The following SYT8 variants were observed in gnomAD, a reference collection of about 807,000 sequenced individuals.
The protein encoded by SYT8 is synaptotagmin-8.
In SYT8, 50 loss-of-function variants were observed where a neutral mutation model predicts 34.9. The ratio of observed to expected loss-of-function variants is 1.43; its 90% CI spans 1.14 to 1.81. SYT8 has a LOEUF of 1.81. Ranked by LOEUF, SYT8 falls within the 40% of genes most tolerant of loss-of-function variation. The probability of loss-of-function intolerance (pLI) is 0.00; values close to 1 mark genes in which losing one functional copy is unlikely to be tolerated. For missense variants in SYT8, 595 were observed against 529.0 expected, an observed-to-expected ratio of 1.12 and a Z score of -1.22; for synonymous variants, 255 against 234.2, an observed-to-expected ratio of 1.09 and a Z score of -0.81.
Position 1,836,562 on chromosome 11 carries a change from G to A in SYT8, c.654G>A (p.Trp218Ter), listed in dbSNP as rs766401122. 1.2e-6 allele frequency: 2 copies of A among 1,612,274 alleles called. No homozygotes were observed. Among genetic ancestry groups the A allele is most frequent in the South Asian group, 2.2e-5 (2 of 91,052 alleles). Residue 218 changes from tryptophan to a stop codon, truncating the protein, a stop_gained, in exon 5 of 8, where the codon TGG (tryptophan) becomes TGA (stop). Coordinates refer to ENST00000341958, the MANE Select transcript of SYT8 (RefSeq NM_001394072.1). LOFTEE classifies it high-confidence loss of function. Reference protein sequence around the residue: ...TVDLQHVLEHWYLLGPPAATQ... With the variant: ...TVDLQHVLEH ...ATCTGCAGCATGTTCTGGAGCACTG[G>A]TACCTGCTGGGCCCGCCGGCTGCCA...
rs1247269542 is a variant in SYT8, at chr11:1,836,950, C to T, written c.791-7C>T. On this transcript the variant is annotated splice_region_variant and splice_polypyrimidine_tract_variant and intron_variant, in intron 6 of 7. Coordinates refer to ENST00000341958, the MANE Select transcript of SYT8 (RefSeq NM_001394072.1). ...GGGATGCCCCTTCGGCAACCTTGCC[C>T]TCCCAGAGCCCTACGTGAAGGTCCA... 1.9e-6 allele frequency: 3 copies of T among 1,613,354 alleles called. No homozygotes were observed. Among genetic ancestry groups the T allele is most frequent in the African/African-American group, 2.7e-5 (2 of 74,954 alleles).
At chr11:1,834,372 T>C (rs2133011180), upstream of SYT8, 3 of 617,296 alleles carry the variant, frequency 4.9e-6, no homozygotes, top group Non-Finnish European at 8.7e-6. This position sits in a 1 kb window ranked among gnomAD's most constrained non-coding sequence, Gnocchi z 4.5. Flanking sequence ...TGGAATGTTC[T>C]GGCCGCTCCC....
At position 1,835,207 on chromosome 11, in the gene SYT8, G is replaced by T; in HGVS notation, c.94+8G>T. 6.2e-7 allele frequency: 1 copy of T among 1,612,934 alleles called. No homozygotes were observed. Among genetic ancestry groups the T allele is most frequent in the Non-Finnish European group, 8.5e-7 (1 of 1,179,736 alleles). On this transcript the variant is annotated splice_region_variant and intron_variant, in intron 1 of 7. Transcript: ENST00000341958. ...TTGTCGCCGGGACCCCCTGTGAGTT[G>T]TGGGATTCCCAAGAGGGGTGTGGGG...
At position 1,836,126 on chromosome 11, in the gene SYT8, A is replaced by T. The variant is rs187964566; in HGVS notation, c.358A>T (p.Ile120Phe). The T allele has an allele frequency of 6.6e-7, 1 of 1,506,184 alleles. No homozygotes were observed. The highest frequency in any genetic ancestry group is 8.9e-7 in the Non-Finnish European group (1 of 1,127,654). The allele number at this position is 1,506,184 out of a possible 1,614,324, so 93.3% of individuals were successfully genotyped here. A position where few individuals can be genotyped will look rare whatever the true frequency, so the allele number is the denominator to read the frequency against. ...SLEFDFGSQE[I>F]RVGLRQAADL... is the part of the protein sequence containing the mutation. Reference sequence around the variant, plus strand: ...CTGAGCCCACCCCGCTGGCTCCCAGATCAGGGTGGGCCTGAGGCAGGCAGC... The same window carrying T: ...CTGAGCCCACCCCGCTGGCTCCCAGTTCAGGGTGGGCCTGAGGCAGGCAGC... Residue 120 changes from isoleucine (I) to phenylalanine (F), a missense_variant and splice_region_variant, in exon 4 of 8, where the codon ATC becomes TTC. Transcript: ENST00000341958.
chr11:1,832,686 G>T (rs998486425), upstream of SYT8, among the ~76,000 whole-genome samples: 11 of 152,144 alleles, frequency 7.2e-5, no homozygotes, highest in Non-Finnish European at 1.5e-4. Context: ...GAGGGACCCC[G>T]CACCTCCCCA....
Position 1,836,247 on chromosome 11 carries a change from C to A in SYT8, c.479C>A (p.Thr160Lys). Residue 160 changes from threonine to lysine, a missense_variant, in exon 4 of 8, where the codon ACG (threonine) becomes AAG (lysine). Transcript: ENST00000341958. ...HRHETKVHRG[T>K]LCPVFDETCC... ...CATGAGACAAAAGTGCACCGAGGCA[C>A]GCTCTGCCCCGTGTTTGACGAGACC... The A allele has an allele frequency of 6.3e-7, 1 of 1,580,898 alleles. No individual in the cohort carries two copies. Among genetic ancestry groups the A allele is most frequent in the South Asian group, 1.2e-5 (1 of 85,464 alleles).
upstream of SYT8, chr11:1,834,522 G>A: frequency 6.5e-7 from 1 of 1,531,180 alleles, no homozygotes; most frequent in Non-Finnish European, 8.8e-7. This position sits in a 1 kb window ranked among gnomAD's most constrained non-coding sequence, Gnocchi z 4.5. Flanking sequence ...CTCCCGCCAT[G>A]ACCCTGCAGA....
At chr11:1,836,370 C>A in intron 4 of SYT8, 55 bp from the exon 5 acceptor site, 3 of 1,498,900 alleles carry the variant, frequency 2.0e-6, no homozygotes, top group Non-Finnish European at 2.7e-6. Flanking sequence ...TGGGCCTGGG[C>A]AGCTGGGTGG....
Position 1,835,350 on chromosome 11 carries a change from C to G in SYT8, c.149C>G (p.Ser50Cys), listed in dbSNP as rs1846848804. The G allele has an allele frequency of 2.5e-6, 4 of 1,605,636 alleles. No individual in the cohort carries two copies. The highest frequency in any genetic ancestry group is 2.7e-5 in the African/African-American group (2 of 74,876). Residue 50 changes from serine (S) to cysteine (C), a missense_variant, in exon 2 of 8, where the codon TCC (serine) becomes TGC (cysteine). Coordinates refer to ENST00000341958, the MANE Select transcript of SYT8 (RefSeq NM_001394072.1). ...CTTGCCGCGGGCGTCCTCCTCGTCT[C>G]CTGCCTCCTCTGTGCTGCCTGCTGC... The part of the protein sequence containing the change: ...GALAAGVLLV[S>C]CLLCAACCCC...
Position 1,835,975 on chromosome 11 carries a change from A to G in SYT8, c.348A>G (p.Gly116=). 3 of 1,604,826 alleles carry G rather than the reference A, an allele frequency of 1.9e-6. No homozygotes were observed. Among genetic ancestry groups the G allele is most frequent in the Non-Finnish European group, 2.5e-6 (3 of 1,177,300 alleles). The change falls in exon 3 of 8, where the codon GGA becomes GGG. Residue 116 remains glycine (G), a synonymous_variant. Transcript: ENST00000341958. ...CLQLSLEFDF[G]SQEIRVGLRQ... ...AGCTCTCCCTGGAGTTCGACTTTGG[A>G]AGCCAGGAGGTGAAGGGCCCCGCTG... is the stretch of plus-strand genomic sequence containing the variant.
At position 1,837,105 on chromosome 11, in the gene SYT8, G is replaced by T; in HGVS notation, c.924+15G>T. On this transcript the variant is annotated intron_variant, in intron 7 of 7. Transcript: ENST00000341958. Reference sequence around the variant, plus strand: ...GCCAGGTCCAGGTGGGCCACCGGGAGGCAGGGGCAGAGCGAGACCCAGTGC... The same window carrying T: ...GCCAGGTCCAGGTGGGCCACCGGGATGCAGGGGCAGAGCGAGACCCAGTGC... 1 of 1,612,930 alleles carries T rather than the reference G, an allele frequency of 6.2e-7. No individual in the cohort carries two copies. The highest frequency in any genetic ancestry group is 8.5e-7 in the Non-Finnish European group (1 of 1,179,554).
At chr11:1,833,198 G>C (rs1336647696), upstream of SYT8, among the ~76,000 whole-genome samples, 1 of 152,112 alleles carries the variant, frequency 6.6e-6, no homozygotes, top group East Asian at 1.9e-4. Flanking sequence ...GGAGCGCTCC[G>C]CCAGCCACGT....
upstream of SYT8, among the ~76,000 whole-genome samples, chr11:1,832,794 G>T (rs757882157): frequency 6.6e-6 from 1 of 152,188 alleles, no homozygotes. Flanking sequence ...TGGGGACAAG[G>T]TCACCAGGCT....
chr11:1,833,815 CG>C (rs1846759681), upstream of SYT8: 1 of 141,690 alleles, frequency 7.1e-6, no homozygotes, highest in African/African-American at 2.7e-5. Context: ...TGTGCGCGTG[CG>C]TGTGTGTGTG....
At position 1,836,606 on chromosome 11, in the gene SYT8, C is replaced by T. The variant is rs1285983293; in HGVS notation, c.684+14C>T. 6.2e-7 allele frequency: 1 copy of T among 1,608,696 alleles called. No homozygotes were observed. Among genetic ancestry groups the T allele is most frequent in the African/African-American group, 1.3e-5 (1 of 75,010 alleles). On this transcript the variant is annotated intron_variant, in intron 5 of 7. Transcript: ENST00000341958. ...GCTGCCACTCAGGTGAGGTGCTGGT[C>T]ACCAGGCCACAGCCCAAGGCAGAGC...
chr11:1,832,593 G>A (rs1284164465), upstream of SYT8, among the ~76,000 whole-genome samples: 1 of 152,178 alleles, frequency 6.6e-6, no homozygotes, highest in Non-Finnish European at 1.5e-5. Flanking sequence ...CCATGAGGGA[G>A]GCCGGGTCCC....
Position 1,836,857 on chromosome 11 carries a change from T to C in SYT8, c.786T>C (p.Leu262=). Residue 262 remains leucine, a synonymous_variant, in exon 6 of 8, where the codon CTT becomes CTC. Coordinates refer to ENST00000341958, the MANE Select transcript of SYT8 (RefSeq NM_001394072.1). ...AGGCTCGAGGCCTGCGTCCAGGACT[T>C]GCAGGTGAGGGTCACACCTGCCCAC... is the stretch of plus-strand genomic sequence containing the variant. ...VLEARGLRPG[L]AEPYVKVQLM... is the part of the protein sequence containing the mutation. 1 of 1,612,146 alleles carries C rather than the reference T, an allele frequency of 6.2e-7. No homozygotes were observed. The highest frequency in any genetic ancestry group is 8.5e-7 in the Non-Finnish European group (1 of 1,179,948).
At chr11:1,835,836 G>C (rs750726636) in intron 2 of SYT8, 50 bp from the exon 3 acceptor site, 1 of 1,513,128 alleles carries the variant, frequency 6.6e-7, no homozygotes, top group Non-Finnish European at 9.2e-7. Context: ...CCAGGGCTCT[G>C]ATGAGGCATG....
rs763622515 is a variant in SYT8, at chr11:1,837,427, C to G, written c.1160C>G (p.Ser387Cys). 83 of 1,605,706 alleles carry G rather than the reference C, an allele frequency of 5.2e-5. 2 individuals are homozygous for G. The highest frequency in any genetic ancestry group is 3.8e-4 in the South Asian group (35 of 91,016). ...RLRLRLPLPH[S>C] ...CGCCTGCGCCTGCCCTTGCCCCACT[C>G]CTGAATGCACCACATGCCTCTGTCT... is the stretch of plus-strand genomic sequence containing the variant. The change falls in exon 8 of 8, where the codon TCC (serine) becomes TGC (cysteine). Residue 387 changes from serine to cysteine, a missense_variant. By Grantham distance (112) the Ser-to-Cys change is moderately radical (BLOSUM62 -1). Coordinates refer to ENST00000341958, the MANE Select transcript of SYT8 (RefSeq NM_001394072.1).
Sources: gnomAD v4.1 joint callset for allele counts (sites outside exome capture counted in the v4.1 genomes callset) on GRCh38, gnomAD v4.1.1 for gene constraint, Gnocchi (gnomAD v3.1) non-coding constraint, MANE v1.5 for transcripts, NCBI Gene and HGNC (gene_info 2026-07-23, HGNC 2026-07-21) for gene names.